TBX18: variants seen among roughly 807,000 people sequenced by gnomAD.
The protein encoded by TBX18 is T-box transcription factor 18, also known as T-box transcription factor TBX18.
TBX18 carries 21 observed loss-of-function variants against 55.0 expected under a neutral mutation model. The observed-to-expected ratio is 0.38, with a 90% CI of 0.27 to 0.55. The LOEUF is 0.55. Among genes scored for constraint, TBX18 ranks in the 20% least tolerant of loss-of-function variants. The pLI is 0.73. For synonymous variants in TBX18, 342 were observed against 326.1 expected (o/e 1.05, Z -0.53); for missense variants, 840 against 799.6 (o/e 1.05, Z -0.61).
chr6:84,763,649 G>A (rs1311874081), intron 1 of TBX18, among the ~76,000 whole-genome samples: 6 of 152,156 alleles, frequency 3.9e-5, no homozygotes, highest in Admixed American at 1.3e-4. Flanking sequence ...AAACAGCCGC[G>A]GCCGAAGGCG....
chr6:84,743,316 CA>C (rs1767095144), intron 6 of TBX18, among the ~76,000 whole-genome samples: 1 of 152,168 alleles, frequency 6.6e-6, no homozygotes, highest in Non-Finnish European at 1.5e-5. Flanking sequence ...CTCTGTCACC[CA>C]TCTTGTTCAA....
Position 84,734,868 on chromosome 6 carries a change from A to T in TBX18, c.*1817T>A, listed in dbSNP as rs1773897211. 6.6e-6 allele frequency: 1 copy of T among 152,210 alleles called. No homozygotes were observed. The highest frequency in any genetic ancestry group is 1.5e-5 in the Non-Finnish European group (1 of 68,032). The allele number at this position is 152,210 out of a possible 1,614,324, so 9.4% of individuals were successfully genotyped here. A position where few individuals can be genotyped will look rare whatever the true frequency, so the allele number is the denominator to read the frequency against. On this transcript the variant is annotated 3_prime_UTR_variant, in exon 8 of 8. Transcript: ENST00000369663. ...TTAATGCCATACCCAAACATCTTACATAGATCCACCTACTGCAAATATTTC... is the reference window on the plus strand; with the variant it reads ...TTAATGCCATACCCAAACATCTTACTTAGATCCACCTACTGCAAATATTTC...
Position 84,764,249 on chromosome 6 carries a change from T to C in TBX18, c.-68A>G. On this transcript the variant is annotated 5_prime_UTR_variant, in exon 1 of 8. Coordinates refer to ENST00000369663, the MANE Select transcript of TBX18 (RefSeq NM_001080508.3). Reference sequence around the variant, plus strand: ...CACGCGGGCACACGCGCGCTCTCGCTCTTCCCCCACCAAAAACTAAAAGGC... The same window carrying C: ...CACGCGGGCACACGCGCGCTCTCGCCCTTCCCCCACCAAAAACTAAAAGGC... 1.5e-6 allele frequency: 2 copies of C among 1,354,794 alleles called. No individual in the cohort carries two copies. The highest frequency in any genetic ancestry group is 1.9e-6 in the Non-Finnish European group (2 of 1,067,146). 83.9% of individuals were successfully genotyped at this position (1,354,794 alleles called of 1,614,324 possible). A position where few individuals can be genotyped will look rare whatever the true frequency, so the allele number is the denominator to read the frequency against.
Position 84,736,767 on chromosome 6 carries a change from C to T in TBX18, c.1742G>A (p.Gly581Glu). The change falls in exon 8 of 8, where the codon GGG becomes GAG. Residue 581 changes from glycine to glutamate, a missense_variant. Coordinates refer to ENST00000369663, the MANE Select transcript of TBX18 (RefSeq NM_001080508.3). The stretch of plus-strand genomic sequence containing the variant: ...AGAGTCAAAGAAACTCTGCTGACCC[C>T]CACTGCTAAGCAGGTGCACTCCTTC... ...PVEGVHLLSSGGQQSFFDSRT... is the reference protein window; with the variant it reads ...PVEGVHLLSSEGQQSFFDSRT... 6.2e-7 allele frequency: 1 copy of T among 1,613,828 alleles called. No homozygotes were observed. The highest frequency in any genetic ancestry group is 1.1e-5 in the South Asian group (1 of 91,002).
intron 3 of TBX18, among the ~76,000 whole-genome samples, chr6:84,757,071 G>A (rs1428207965): frequency 1.3e-5 from 2 of 152,170 alleles, no homozygotes; most frequent in African/African-American, 2.4e-5. Flanking sequence ...ACTAAGGGGC[G>A]TGTTAACGGC....
At chr6:84,744,352 A>C (rs374342383) in intron 5 of TBX18, 27 bp from the exon 6 acceptor site, 1 of 1,598,040 alleles carries the variant, frequency 6.3e-7, no homozygotes, top group East Asian at 2.2e-5. Flanking sequence ...AAAAATATCA[A>C]ATCTTATATA....
intron 4 of TBX18, among the ~76,000 whole-genome samples, chr6:84,749,404 T>C (rs889669721): frequency 6.6e-6 from 1 of 152,190 alleles, no homozygotes; most frequent in Non-Finnish European, 1.5e-5. Context: ...CAAACACAGA[T>C]TGTCCTACAT....
intron 6 of TBX18, 85 bp downstream of exon 6, chr6:84,744,176 T>A: frequency 8.5e-7 from 1 of 1,179,164 alleles, no homozygotes. Flanking sequence ...ATTAGTAAAT[T>A]TAGCCATTTA....
In TBX18 at chr6:84,741,122, A is replaced by C. The variant is rs991737110; in HGVS notation, c.1005-2531T>G. On this transcript the variant is annotated intron_variant, in intron 6 of 7. Coordinates refer to ENST00000369663, the MANE Select transcript of TBX18 (RefSeq NM_001080508.3). ...GAAAGGATTTTAGATATTTTGCAGG[A>C]AACAGTTATAAAATGTTTATTAGCT... 6 of 152,358 alleles carry C rather than the reference A, an allele frequency of 3.9e-5. No individual in the cohort carries two copies. In the East Asian group the frequency reaches 1.2e-3, roughly 29 times the overall value. The allele number at this position is 152,358 out of a possible 1,614,324, so 9.4% of individuals were successfully genotyped here.
intron 6 of TBX18, among the ~76,000 whole-genome samples, chr6:84,743,900 T>C (rs1407313835): frequency 2.0e-5 from 3 of 152,180 alleles, no homozygotes; most frequent in Non-Finnish European, 2.9e-5. Context: ...TATCAATAGA[T>C]AGTCGCATCA....
At chr6:84,739,060 C>G (rs1286413732) in intron 6 of TBX18, among the ~76,000 whole-genome samples, 1 of 152,114 alleles carries the variant, frequency 6.6e-6, no homozygotes, top group Non-Finnish European at 1.5e-5. Flanking sequence ...TTTGGTGCCT[C>G]AGCAGCCAGC....
intron 6 of TBX18, among the ~76,000 whole-genome samples, chr6:84,743,513 T>A (rs1767099706): frequency 6.6e-6 from 1 of 152,204 alleles, no homozygotes; most frequent in South Asian, 2.1e-4. Context: ...GCAGAAGCCT[T>A]ACTCTGAAAA....
chr6:84,758,082 T>C (rs375055507), intron 3 of TBX18, among the ~76,000 whole-genome samples: 13 of 152,068 alleles, frequency 8.5e-5, no homozygotes, highest in African/African-American at 2.9e-4. Flanking sequence ...GGAAAACATA[T>C]ACAATCATAA....
At chr6:84,747,417 C>G (rs778819207) in intron 5 of TBX18, among the ~76,000 whole-genome samples, 3 of 152,166 alleles carry the variant, frequency 2.0e-5, no homozygotes, top group African/African-American at 4.8e-5. Flanking sequence ...TCTACCATTG[C>G]TGATCTCTCA....
At position 84,764,036 on chromosome 6, in the gene TBX18, G is replaced by A; in HGVS notation, c.146C>T (p.Ala49Val). The change falls in exon 1 of 8, where the codon GCC becomes GTC. Residue 49 changes from alanine (A) to valine (V), a missense_variant. Ala to Val is a moderately conservative substitution (Grantham distance 64). Transcript: ENST00000369663. ...RKLGAEEAAG[A>V]VDDGGCSRGG... is the part of the protein sequence containing the mutation. ...GCGGCTGCAGCCTCCGTCGTCCACG[G>A]CCCCCGCCGCCTCTTCGGCGCCCAG... 1.3e-6 allele frequency: 2 copies of A among 1,555,466 alleles called. No individual in the cohort carries two copies. Among genetic ancestry groups the A allele is most frequent in the African/African-American group, 1.4e-5 (1 of 73,636 alleles).
chr6:84,746,763 T>C (rs1767205941), intron 5 of TBX18, among the ~76,000 whole-genome samples: 1 of 150,092 alleles, frequency 6.7e-6, no homozygotes, highest in South Asian at 2.1e-4. Flanking sequence ...ACAGAGAAGA[T>C]TAGCATGGTC....
intron 2 of TBX18, among the ~76,000 whole-genome samples, chr6:84,762,255 C>G (rs941892948): frequency 6.6e-6 from 1 of 152,142 alleles, no homozygotes; most frequent in African/African-American, 2.4e-5. Context: ...AATTTATAAC[C>G]GCCCTGAACG....
chr6:84,763,521 G>A, intron 1 of TBX18: 2 of 502,876 alleles, frequency 4.0e-6, no homozygotes, highest in Non-Finnish European at 7.7e-6. Flanking sequence ...GTATGCCGTC[G>A]CTCCCCTCCT....
chr6:84,737,030 G>A lies in TBX18; in HGVS notation c.1479C>T (p.Ser493=), dbSNP rs1168922829. Residue 493 remains serine, a synonymous_variant, in exon 8 of 8, where the codon TCC becomes TCT. Coordinates refer to ENST00000369663, the MANE Select transcript of TBX18 (RefSeq NM_001080508.3). ...ATGGCATGATATACTGGAGCTGGGG[G>A]GACATTCCCGAAATCTGCATGGATA... The part of the protein sequence containing the change: ...TSLSMQISGM[S]PQLQYIMPSP... The A allele has an allele frequency of 6.2e-7, 1 of 1,614,034 alleles. No homozygotes were observed. Among genetic ancestry groups the A allele is most frequent in the Admixed American group, 1.7e-5 (1 of 60,000 alleles).
Sources: allele counts gnomAD v4.1 joint callset (sites outside exome capture counted in the v4.1 genomes callset), GRCh38; gene constraint gnomAD v4.1.1; transcripts MANE v1.5; gene names NCBI Gene and HGNC (gene_info 2026-07-23, HGNC 2026-07-21).